The following CDH13 variants were observed in gnomAD, a reference collection of about 807,000 sequenced individuals.
The protein encoded by CDH13 is cadherin-13.
Under a neutral mutation model 63.8 loss-of-function variants are expected in CDH13, and 24 were observed. The observed-to-expected ratio is 0.38, with a 90% CI of 0.27 to 0.53. The LOEUF is 0.53. Ranked by LOEUF, CDH13 falls within the 20% of genes least tolerant of loss-of-function variation. CDH13 has a pLI of 0.85. For missense variants in CDH13, 1,049 were observed against 903.1 expected, an observed-to-expected ratio of 1.16 and a Z score of -2.07; for synonymous variants, 503 against 355.3, an observed-to-expected ratio of 1.42 and a Z score of -4.67.
intron 7 of CDH13, among the ~76,000 whole-genome samples, chr16:83,599,530 A>T (rs1907583371): frequency 6.6e-6 from 1 of 152,250 alleles, no homozygotes; most frequent in African/African-American, 2.4e-5. Flanking sequence ...TTTAAAAAGC[A>T]GCCAAAATGT....
At chr16:82,755,199 C>T (rs1318728625) in intron 1 of CDH13, among the ~76,000 whole-genome samples, 4 of 152,214 alleles carry the variant, frequency 2.6e-5, no homozygotes, top group Non-Finnish European at 5.9e-5. Context: ...TGCAGCCCTA[C>T]TCCATGTTTC....
chr16:82,946,058 C>A (rs1247425100), intron 2 of CDH13, among the ~76,000 whole-genome samples: 2 of 151,976 alleles, frequency 1.3e-5, no homozygotes, highest in Admixed American at 6.6e-5. Flanking sequence ...ATTTCTCTTT[C>A]CCCTGATCAA....
chr16:83,010,564 C>T (rs1914047751), intron 2 of CDH13, among the ~76,000 whole-genome samples: 1 of 152,086 alleles, frequency 6.6e-6, no homozygotes. Flanking sequence ...TTTCTCCTGC[C>T]CTTTTTCTTT....
At chr16:83,175,173 T>C (rs1258060437) in intron 4 of CDH13, among the ~76,000 whole-genome samples, 1 of 152,148 alleles carries the variant, frequency 6.6e-6, no homozygotes, top group Non-Finnish European at 1.5e-5. Context: ...AGCCCTATTC[T>C]AGATGCTTTA....
intron 5 of CDH13, among the ~76,000 whole-genome samples, chr16:83,273,575 A>G (rs1991059): frequency 0.99 from 151,253 of 152,288 alleles, 75,120 homozygotes; most frequent in Middle Eastern, 1. Flanking sequence ...TCATGGCAAC[A>G]TGGATGGAGC....
intron 2 of CDH13, among the ~76,000 whole-genome samples, chr16:82,912,900 G>A (rs898725950): frequency 4.0e-5 from 6 of 150,758 alleles, no homozygotes; most frequent in Admixed American, 6.6e-5. Context: ...CCGAGATCAC[G>A]CCACTGCACT....
At chr16:83,434,096 C>T (rs2072211220) in intron 6 of CDH13, among the ~76,000 whole-genome samples, 1 of 152,032 alleles carries the variant, frequency 6.6e-6, no homozygotes, top group South Asian at 2.1e-4. Context: ...ATAAATTGTC[C>T]AAAGTAATTT....
chr16:82,974,288 T>C (rs1909192155), intron 2 of CDH13, among the ~76,000 whole-genome samples: 1 of 152,204 alleles, frequency 6.6e-6, no homozygotes, highest in African/African-American at 2.4e-5. Context: ...ACATCCAGGC[T>C]GTTATTTCCA....
chr16:82,930,113 C>G (rs995226770), intron 2 of CDH13, among the ~76,000 whole-genome samples: 2 of 137,676 alleles, frequency 1.5e-5, no homozygotes, highest in Admixed American at 1.6e-4. Flanking sequence ...GGTGCAATCT[C>G]AGCTCACTAC....
chr16:83,504,267 C>T (rs1367812014), intron 7 of CDH13, among the ~76,000 whole-genome samples: 1 of 152,176 alleles, frequency 6.6e-6, no homozygotes, highest in Non-Finnish European at 1.5e-5. Context: ...GAAGAGTGTT[C>T]ACAACCTCCA....
intron 1 of CDH13, among the ~76,000 whole-genome samples, chr16:82,698,660 A>G (rs2030625814): frequency 6.6e-6 from 1 of 152,218 alleles, no homozygotes. Flanking sequence ...CAAGCAATCT[A>G]CTGGCCAAAC....
intron 2 of CDH13, among the ~76,000 whole-genome samples, chr16:83,015,645 C>G (rs1251454018): frequency 8.4e-6 from 1 of 118,578 alleles, no homozygotes. Flanking sequence ...TATGCTTCAG[C>G]TTGCAGCATA....
intron 7 of CDH13, among the ~76,000 whole-genome samples, chr16:83,561,682 A>T (rs184398437): frequency 6.6e-6 from 1 of 152,306 alleles, no homozygotes; most frequent in African/African-American, 2.4e-5. Context: ...AAATTATACT[A>T]CCTAATATAG....
intron 3 of CDH13, among the ~76,000 whole-genome samples, chr16:83,048,208 A>G (rs1308960508): frequency 6.6e-6 from 1 of 152,198 alleles, no homozygotes; most frequent in East Asian, 1.9e-4. Context: ...TTACTTTGAA[A>G]CTTTCATAAC....
At chr16:83,331,359 A>G (rs2090476586) in intron 5 of CDH13, among the ~76,000 whole-genome samples, 1 of 152,218 alleles carries the variant, frequency 6.6e-6, no homozygotes, top group African/African-American at 2.4e-5. Flanking sequence ...TAAAGACTAG[A>G]AAAGCCAGCC....
intron 7 of CDH13, among the ~76,000 whole-genome samples, chr16:83,497,815 A>G (rs1276066569): frequency 6.6e-6 from 1 of 152,208 alleles, no homozygotes; most frequent in African/African-American, 2.4e-5. Flanking sequence ...AGTTTTATGT[A>G]CTGACTGCAG....
chr16:83,285,899 G>C (rs1034637137), intron 5 of CDH13, among the ~76,000 whole-genome samples: 18 of 152,222 alleles, frequency 1.2e-4, no homozygotes, highest in African/African-American at 4.1e-4. Context: ...TCACAGAGAA[G>C]TGGGACAAGG....
chr16:83,081,642 C>G lies in CDH13; in HGVS notation c.367-43743C>G, dbSNP rs568520973. Among the ~76,000 whole-genome samples, 11 of 152,114 alleles carry G rather than the reference C, an allele frequency of 7.2e-5. No homozygotes were observed. The South Asian group carries it at 2.1e-3, about 29-fold the overall frequency. On this transcript the variant is annotated intron_variant, in intron 3 of 13. Coordinates refer to ENST00000567109, the MANE Select transcript of CDH13 (RefSeq NM_001257.5). ...TAGGGTTTTTGGGGAGACCTGTCCT[C>G]TTGGTTCACAGACAGCTGCCTTTTC...
chr16:82,675,323 T>C (rs1349410245), intron 1 of CDH13, among the ~76,000 whole-genome samples: 3 of 152,208 alleles, frequency 2.0e-5, no homozygotes, highest in Admixed American at 6.5e-5. Context: ...TTCTCTATAT[T>C]ATATGGCTGT....
Sources: gnomAD v4.1 joint callset for allele counts (sites outside exome capture counted in the v4.1 genomes callset) on GRCh38, gnomAD v4.1.1 for gene constraint, MANE v1.5 for transcripts, NCBI Gene and HGNC (gene_info 2026-07-23, HGNC 2026-07-21) for gene names.